The following USP24 variants were observed in gnomAD, a reference collection of about 807,000 sequenced individuals.
The protein encoded by USP24 is ubiquitin carboxyl-terminal hydrolase 24.
USP24 carries 97 observed loss-of-function variants against 361.6 expected under a neutral mutation model. That is an observed-to-expected ratio of 0.27 (90% CI 0.23 to 0.32). USP24 has a LOEUF of 0.32. Ranked by LOEUF, USP24 falls within the 10% of genes least tolerant of loss-of-function variation. USP24 has a pLI of 1.00. For synonymous variants in USP24, 1,098 were observed against 1,124.6 expected (o/e 0.98, Z 0.47); for missense variants, 2,353 against 3,165.6 (o/e 0.74, Z 6.16).
At chr1:55,138,546 G>A in intron 26 of USP24, 62 bp downstream of exon 26, 1 of 1,243,658 alleles carries the variant, frequency 8.0e-7, no homozygotes, top group Non-Finnish European at 1.1e-6. Flanking sequence ...ACTCAATCAA[G>A]ACTGCTTTAT....
At chr1:55,179,732 G>C (rs1643907895) in intron 1 of USP24, among the ~76,000 whole-genome samples, 1 of 149,926 alleles carries the variant, frequency 6.7e-6, no homozygotes. Flanking sequence ...CTTAACACTT[G>C]GTTCTCCCAT....
At chr1:55,185,821 A>T in intron 1 of USP24, among the ~76,000 whole-genome samples, 1 of 152,052 alleles carries the variant, frequency 6.6e-6, no homozygotes. Flanking sequence ...CTCCCAGCTC[A>T]GGCTTCCAAA....
rs755644038 is a variant in USP24 at position 55,215,054 on chromosome 1, G to T, written c.60C>A (p.Pro20=). Residue 20 remains proline, a synonymous_variant, in exon 1 of 68, where the codon CCC becomes CCA. Coordinates refer to ENST00000294383, the MANE Select transcript of USP24 (RefSeq NM_015306.3). The part of the protein sequence containing the change: ...TTLLCMGFSD[P]ATIRKALRLA... ...GGCGCAGGGCCTTGCGGATGGTGGC[G>T]GGGTCTGAGAAGCCCATGCACAGCA... is the stretch of plus-strand genomic sequence containing the variant. 6.1e-6 allele frequency: 9 copies of T among 1,465,108 alleles called. No homozygotes were observed. The highest frequency in any genetic ancestry group is 1.8e-4 in the Middle Eastern group (1 of 5,536). The allele number at this position is 1,465,108 out of a possible 1,614,324, so 90.8% of individuals were successfully genotyped here. A position where few individuals can be genotyped will look rare whatever the true frequency, so the allele number is the denominator to read the frequency against.
chr1:55,066,716 C>T lies in USP24; in HGVS notation c.*2329G>A, dbSNP rs1454818139. ...CTTGTTTTCTTTCCCAGGATGCCTT[C>T]AACGGGCAGAATCGGCCATCTTAAG... On this transcript the variant is annotated 3_prime_UTR_variant, in exon 68 of 68. Transcript: ENST00000294383. 1.3e-5 allele frequency: 2 copies of T among 152,178 alleles called. No homozygotes were observed. The highest frequency in any genetic ancestry group is 6.5e-5 in the Admixed American group (1 of 15,280). 9.4% of individuals were successfully genotyped at this position (152,178 alleles called of 1,614,324 possible).
chr1:55,152,015 G>T (rs965113858), intron 16 of USP24: 28 of 984,248 alleles, frequency 2.8e-5, no homozygotes, highest in Non-Finnish European at 3.3e-5. Context: ...CACCTTTAGT[G>T]GAAGTAAATA....
intron 1 of USP24, among the ~76,000 whole-genome samples, chr1:55,200,292 G>T (rs1344938675): frequency 1.3e-5 from 2 of 152,160 alleles, no homozygotes; most frequent in Admixed American, 1.3e-4. Context: ...ATAGTTGGAG[G>T]TCCTTATGGG....
At chr1:55,201,804 T>C (rs941954756) in intron 1 of USP24, among the ~76,000 whole-genome samples, 3 of 152,078 alleles carry the variant, frequency 2.0e-5, no homozygotes, top group African/African-American at 4.8e-5. Flanking sequence ...AGAAAACCAT[T>C]AGCAAGAGTG....
chr1:55,160,688 T>A (rs1648184396), intron 8 of USP24, among the ~76,000 whole-genome samples: 1 of 152,212 alleles, frequency 6.6e-6, no homozygotes, highest in East Asian at 1.9e-4. Flanking sequence ...TTCTTGTTCT[T>A]TTTAAGGTAC....
chr1:55,178,391 G>T (rs547958262), intron 1 of USP24, among the ~76,000 whole-genome samples: 1 of 152,108 alleles, frequency 6.6e-6, no homozygotes, highest in East Asian at 1.9e-4. Flanking sequence ...TGTCCAGGCC[G>T]GGCGCAGTGG....
chr1:55,182,176 CAAGT>C (rs1265312000), intron 1 of USP24, among the ~76,000 whole-genome samples: 1 of 152,182 alleles, frequency 6.6e-6, no homozygotes, highest in Non-Finnish European at 1.5e-5. Context: ...CTCAGCCTCC[CAAGT>C]AGCTGGGACT....
At position 55,100,828 on chromosome 1, in the gene USP24, G is replaced by C; in HGVS notation, c.5271+11C>G. 1 of 1,595,698 alleles carries C rather than the reference G, an allele frequency of 6.3e-7. No individual in the cohort carries two copies. Among genetic ancestry groups the C allele is most frequent in the Non-Finnish European group, 8.5e-7 (1 of 1,173,310 alleles). ...ACATCTTTAAATCTCAAGAGTTACT[G>C]GGTGAAATACCTTCCAAAAATTCTC... On this transcript the variant is annotated intron_variant, in intron 44 of 67. Transcript: ENST00000294383.
intron 38 of USP24, among the ~76,000 whole-genome samples, chr1:55,120,042 G>A (rs750752007): frequency 2.0e-5 from 3 of 152,160 alleles, no homozygotes; most frequent in Non-Finnish European, 2.9e-5. Context: ...TGAACTTGAG[G>A]TCAATGTGAG....
intron 56 of USP24, among the ~76,000 whole-genome samples, chr1:55,085,682 G>A (rs1645235589): frequency 6.6e-6 from 1 of 152,218 alleles, no homozygotes. Context: ...AAAGGACTCT[G>A]AAAAGGGAGT....
chr1:55,076,404 AT>A (rs1645032511), intron 62 of USP24, among the ~76,000 whole-genome samples: 1 of 152,242 alleles, frequency 6.6e-6, no homozygotes, highest in Admixed American at 6.5e-5. Context: ...AACAAATGGC[AT>A]CTATGATGTC....
At chr1:55,083,218 C>T (rs1645186050) in intron 58 of USP24, 54 bp downstream of exon 58, 2 of 1,551,572 alleles carry the variant, frequency 1.3e-6, no homozygotes, top group Non-Finnish European at 1.8e-6. Flanking sequence ...AAAAGAAACA[C>T]AGCGGCTATG....
Position 55,124,509 on chromosome 1 carries a change from G to A in USP24, c.4080C>T (p.Ser1360=). 1 of 1,613,374 alleles carries A rather than the reference G, an allele frequency of 6.2e-7. No homozygotes were observed. Among genetic ancestry groups the A allele is most frequent in the South Asian group, 1.1e-5 (1 of 90,890 alleles). The change falls in exon 35 of 68, where the codon TCC becomes TCT. Residue 1360 remains serine (S), a synonymous_variant. Coordinates refer to ENST00000294383, the MANE Select transcript of USP24 (RefSeq NM_015306.3). ...TGTTTCGAATTCCAGCAGGACACAG[G>A]GAATTACTTTCTTTAATTGGCTGGC... is the stretch of plus-strand genomic sequence containing the variant. ...GSSQPIKESN[S]LCPAGIRNRL... is the part of the protein sequence containing the mutation.
At chr1:55,144,718 T>TGA (rs1268854727) in intron 20 of USP24, among the ~76,000 whole-genome samples, 1 of 152,168 alleles carries the variant, frequency 6.6e-6, no homozygotes, top group African/African-American at 2.4e-5. Flanking sequence ...GAGGATCACC[T>TGA]GAGGTCTGGA....
At chr1:55,079,866 T>A (rs542766678) in intron 59 of USP24, among the ~76,000 whole-genome samples, 1 of 150,876 alleles carries the variant, frequency 6.6e-6, no homozygotes, top group South Asian at 2.1e-4. Flanking sequence ...TCGTGCACAC[T>A]GAGCACTCAC....
chr1:55,176,330 C>T (rs1217869487), intron 3 of USP24, 46 bp downstream of exon 3: 2 of 1,506,960 alleles, frequency 1.3e-6, no homozygotes, highest in East Asian at 2.5e-5. Flanking sequence ...TCACCCTGCC[C>T]CCACCCCGAC....
Sources: gnomAD v4.1 joint callset for allele counts (sites outside exome capture counted in the v4.1 genomes callset) on GRCh38, gnomAD v4.1.1 for gene constraint, MANE v1.5 for transcripts, NCBI Gene and HGNC (gene_info 2026-07-23, HGNC 2026-07-21) for gene names.